The following CLVS1 variants were observed in gnomAD, a reference collection of about 807,000 sequenced individuals.
CLVS1 encodes the protein clavesin-1.
CLVS1 carries 10 observed loss-of-function variants against 33.1 expected under a neutral mutation model. That is an observed-to-expected ratio of 0.30 (90% CI 0.19 to 0.51). CLVS1 has a LOEUF of 0.51. Among genes scored for constraint, CLVS1 ranks in the 20% least tolerant of loss-of-function variants. CLVS1 has a pLI of 0.97. For synonymous variants in CLVS1, 163 were observed against 166.1 expected (o/e 0.98, Z 0.14); for missense variants, 343 against 433.4 (o/e 0.79, Z 1.85).
At position 61,300,143 on chromosome 8, in the gene CLVS1, G is replaced by A; in HGVS notation, c.316G>A (p.Asp106Asn). The change falls in exon 2 of 6, where the codon GAC becomes AAC. Residue 106 changes from aspartate to asparagine, a missense_variant. Asp to Asn is a conservative substitution (Grantham distance 23). Around this residue, in one of 4 missense-constraint regions of CLVS1, gnomAD observed 166 missense variants for 244.0 expected, o/e 0.68. Coordinates refer to ENST00000325897, the MANE Select transcript of CLVS1 (RefSeq NM_173519.3). The part of the protein sequence containing the change: ...QYFQYRQLNL[D>N]MFKNFKADDP... The stretch of plus-strand genomic sequence containing the variant: ...TTTCCAGTACCGCCAGCTAAACCTG[G>A]ACATGTTCAAAAACTTCAAGGCAGA... The A allele has an allele frequency of 6.2e-7, 1 of 1,613,970 alleles. No homozygotes were observed. The highest frequency in any genetic ancestry group is 8.5e-7 in the Non-Finnish European group (1 of 1,179,956).
At chr8:61,212,207 C>T (rs1807984790) in intron 2 of CLVS1, among the ~76,000 whole-genome samples, 1 of 152,182 alleles carries the variant, frequency 6.6e-6, no homozygotes, top group African/African-American at 2.4e-5. Flanking sequence ...ACTTGGGAAC[C>T]ACCAGGGCTG....
intron 2 of CLVS1, chr8:61,273,995 T>C (rs1220004512): frequency 6.4e-6 from 1 of 155,814 alleles, no homozygotes; most frequent in Non-Finnish European, 1.4e-5. Flanking sequence ...CTGTTCCTAT[T>C]CGGCCATCTT....
chr8:61,355,821 C>T (rs1812677780), intron 2 of CLVS1, among the ~76,000 whole-genome samples: 1 of 152,120 alleles, frequency 6.6e-6, no homozygotes, highest in African/African-American at 2.4e-5. Flanking sequence ...CATTGTTGGA[C>T]ATTTGGGTTG....
intron 1 of CLVS1, among the ~76,000 whole-genome samples, chr8:61,121,472 C>T (rs73685732): frequency 0.025 from 3,768 of 152,100 alleles, 134 homozygotes; most frequent in African/African-American, 0.08. Context: ...TATGTGAATG[C>T]GTGTATCTGT....
At chr8:61,091,460 C>T (rs1805247846) in intron 1 of CLVS1, among the ~76,000 whole-genome samples, 1 of 152,186 alleles carries the variant, frequency 6.6e-6, no homozygotes, top group South Asian at 2.1e-4. Flanking sequence ...GGCCAGGGTC[C>T]TGACATGCTC....
intron 2 of CLVS1, among the ~76,000 whole-genome samples, chr8:61,157,671 T>C (rs540447733): frequency 2.2e-4 from 33 of 151,632 alleles, no homozygotes; most frequent in Admixed American, 9.9e-4. Context: ...ATGGCTTTTA[T>C]CTAGTATATA....
At chr8:61,454,050 A>C (rs374400802) in intron 3 of CLVS1, 91 bp from the exon 4 acceptor site, 1 of 860,880 alleles carries the variant, frequency 1.2e-6, no homozygotes. Flanking sequence ...AGGCAGGAAA[A>C]ACAGGTTGTT....
chr8:61,286,116 A>G (rs187286025), upstream of CLVS1, among the ~76,000 whole-genome samples: 45 of 152,180 alleles, frequency 3.0e-4, no homozygotes, highest in East Asian at 7.5e-3. Context: ...GTGACTTCCC[A>G]TAACTGTGGC....
intron 2 of CLVS1, among the ~76,000 whole-genome samples, chr8:61,369,916 T>C (rs1436147459): frequency 1.3e-5 from 2 of 152,174 alleles, no homozygotes; most frequent in Non-Finnish European, 2.9e-5. Flanking sequence ...GACATCATTA[T>C]CAGAGGAAAG....
intron 3 of CLVS1, among the ~76,000 whole-genome samples, chr8:61,423,477 A>C (rs1455206717): frequency 6.6e-6 from 1 of 152,208 alleles, no homozygotes; most frequent in East Asian, 1.9e-4. Flanking sequence ...TTCTTTCTAC[A>C]GGGGACACCT....
intron 3 of CLVS1, among the ~76,000 whole-genome samples, chr8:61,399,514 C>A (rs1478347963): frequency 6.6e-6 from 1 of 152,142 alleles, no homozygotes; most frequent in African/African-American, 2.4e-5. Context: ...ATGATAATTT[C>A]TTTTGCTGTG....
At chr8:61,229,499 C>T (rs143922101) in intron 2 of CLVS1, among the ~76,000 whole-genome samples, 1 of 152,298 alleles carries the variant, frequency 6.6e-6, no homozygotes, top group East Asian at 1.9e-4. Flanking sequence ...GGGATTTAAG[C>T]CACTGTGAGT....
At chr8:61,366,651 C>T (rs1813223849) in intron 2 of CLVS1, among the ~76,000 whole-genome samples, 2 of 152,186 alleles carry the variant, frequency 1.3e-5, no homozygotes, top group South Asian at 4.1e-4. Context: ...CGCTAAGAAA[C>T]ATTTGCTGAG....
chr8:61,349,335 A>G (rs904389468), intron 2 of CLVS1, among the ~76,000 whole-genome samples: 2 of 152,244 alleles, frequency 1.3e-5, no homozygotes, highest in African/African-American at 4.8e-5. Context: ...GTAGTTGTCA[A>G]TTAAAAAATA....
At chr8:61,181,349 A>T (rs1382444884) in intron 2 of CLVS1, among the ~76,000 whole-genome samples, 3 of 152,200 alleles carry the variant, frequency 2.0e-5, no homozygotes, top group Non-Finnish European at 4.4e-5. Flanking sequence ...AACAAATGGA[A>T]AAACATTCCA....
chr8:61,246,430 A>G (rs1385861592), intron 2 of CLVS1, among the ~76,000 whole-genome samples: 1 of 151,812 alleles, frequency 6.6e-6, no homozygotes, highest in Non-Finnish European at 1.5e-5. Context: ...TCGGCCTCCC[A>G]AAGTGCTGGG....
At chr8:61,221,513 C>T (rs553444193) in intron 2 of CLVS1, among the ~76,000 whole-genome samples, 3 of 152,224 alleles carry the variant, frequency 2.0e-5, no homozygotes, top group African/African-American at 2.4e-5. Flanking sequence ...GTTGAATAAG[C>T]CTTGATCCCA....
At chr8:61,380,352 A>G (rs1813820912) in intron 3 of CLVS1, among the ~76,000 whole-genome samples, 1 of 152,258 alleles carries the variant, frequency 6.6e-6, no homozygotes, top group Admixed American at 6.5e-5. Flanking sequence ...CATTATAACA[A>G]TCATATTGAA....
rs1234951607 is a variant in CLVS1 at position 61,116,685 on chromosome 8, A to G, written c.-242-15085A>G. 2.7e-5 allele frequency among the ~76,000 whole-genome samples: 4 copies of G among 148,876 alleles called. No homozygotes were observed. In the East Asian group the frequency reaches 8.0e-4, roughly 30 times the overall value. On this transcript the variant is annotated intron_variant, in intron 1 of 2. Coordinates refer to the CLVS1 transcript ENST00000522621. ...TGTCAAAGATCAGATAGTTGTAGAT[A>G]TGCGGCGTTATTTCTGAGGGCTCTG...
Sources: gnomAD v4.1 joint callset for allele counts (sites outside exome capture counted in the v4.1 genomes callset) on GRCh38, gnomAD v4.1.1 for gene constraint, gnomAD v4.1.1 regional missense constraint, MANE v1.5 for transcripts, NCBI Gene and HGNC (gene_info 2026-07-23, HGNC 2026-07-21) for gene names.